The following FARS2 variants were observed in gnomAD, a reference collection of about 807,000 sequenced individuals.
FARS2 encodes phenylalanyl-tRNA synthetase 2, mitochondrial.
A neutral mutation model predicts 46.4 loss-of-function variants in FARS2; 40 were observed. That is an observed-to-expected ratio of 0.86 (90% CI 0.67 to 1.12). FARS2 has a LOEUF of 1.12. Ranked by LOEUF, FARS2 falls within the 50% of genes most tolerant of loss-of-function variation. The pLI, the probability that FARS2 is intolerant of heterozygous loss-of-function variation, is 0.00. For missense variants in FARS2, 513 were observed against 567.9 expected (o/e 0.90, Z 0.98); for synonymous variants, 234 against 214.9 (o/e 1.09, Z -0.78).
At chr6:5,655,132 G>A (rs574171152) in intron 6 of FARS2, among the ~76,000 whole-genome samples, 13 of 152,254 alleles carry the variant, frequency 8.5e-5, no homozygotes, top group African/African-American at 3.1e-4. Context: ...ACTGGGTGAG[G>A]GGTTGGTGGC....
At chr6:5,700,290 T>C (rs1758339725) in intron 6 of FARS2, among the ~76,000 whole-genome samples, 1 of 152,378 alleles carries the variant, frequency 6.6e-6, no homozygotes, top group Non-Finnish European at 1.5e-5. Flanking sequence ...GTTTTAGTCT[T>C]ATTGAACGTC....
chr6:5,766,843 T>C (rs1762776820), intron 6 of FARS2, among the ~76,000 whole-genome samples: 1 of 152,040 alleles, frequency 6.6e-6, no homozygotes, highest in Non-Finnish European at 1.5e-5. Flanking sequence ...TAACCATCAG[T>C]CTGCCTTCTA....
chr6:5,610,002 C>G, intron 5 of FARS2: 1 of 1,058,218 alleles, frequency 9.4e-7, no homozygotes, highest in Non-Finnish European at 1.5e-6. Flanking sequence ...CTTCCACCTC[C>G]TCCGCAGTGG....
chr6:5,369,440 C>T (rs1049357579), intron 2 of FARS2, among the ~76,000 whole-genome samples: 1 of 152,112 alleles, frequency 6.6e-6, no homozygotes, highest in Non-Finnish European at 1.5e-5. Flanking sequence ...TCAATACTGA[C>T]CCGCCATTCT....
intron 4 of FARS2, among the ~76,000 whole-genome samples, chr6:5,544,550 G>A (rs538854199): frequency 2.0e-5 from 3 of 152,184 alleles, no homozygotes; most frequent in African/African-American, 7.2e-5. Context: ...CTAATTTATG[G>A]CACTGACACA....
intron 6 of FARS2, among the ~76,000 whole-genome samples, chr6:5,730,724 GTCT>G (rs1760568766): frequency 6.6e-6 from 1 of 152,176 alleles, no homozygotes; most frequent in Non-Finnish European, 1.5e-5. Context: ...CATGAGCAAA[GTCT>G]TCACTTACTC....
intron 5 of FARS2, among the ~76,000 whole-genome samples, chr6:5,602,381 G>A (rs1295628654): frequency 6.6e-6 from 1 of 152,120 alleles, no homozygotes; most frequent in Non-Finnish European, 1.5e-5. Context: ...CGGGTGCAGT[G>A]GCTCCACCTG....
upstream of FARS2, chr6:5,260,598 T>TGCCCCGGCCCCGGGGCCCCCCC: frequency 7.2e-6 from 8 of 1,105,562 alleles, no homozygotes; most frequent in African/African-American, 3.3e-5. Flanking sequence ...GCACCCCCGG[T>TGCCCCGGCCCCGGGGCCCCCCC]CCCCGGCCCC....
chr6:5,262,139 A>G (rs1765195571), intron 1 of FARS2, among the ~76,000 whole-genome samples: 1 of 152,254 alleles, frequency 6.6e-6, no homozygotes, highest in South Asian at 2.1e-4. Context: ...CGTGAAAACA[A>G]AACAACTTTG....
At chr6:5,662,731 GGT>G (rs894568496) in intron 6 of FARS2, among the ~76,000 whole-genome samples, 3 of 152,146 alleles carry the variant, frequency 2.0e-5, no homozygotes, top group African/African-American at 7.2e-5. Context: ...AAGTAGAATT[GGT>G]GTGTGCGGTG....
chr6:5,397,313 G>A (rs1760967325), intron 2 of FARS2, among the ~76,000 whole-genome samples: 1 of 152,170 alleles, frequency 6.6e-6, no homozygotes, highest in African/African-American at 2.4e-5. Context: ...TGATGAATTG[G>A]CTGAGCGTAG....
At chr6:5,332,114 T>C (rs965837275) in intron 1 of FARS2, among the ~76,000 whole-genome samples, 2 of 152,026 alleles carry the variant, frequency 1.3e-5, no homozygotes, top group African/African-American at 4.8e-5. Context: ...AAGCCTCAGG[T>C]TAAATTTGGG....
rs573805315 is a variant in FARS2 at position 5,269,665 on chromosome 6, T to C, written c.-22+8005T>C. On this transcript the variant is annotated intron_variant, in intron 1 of 6. Coordinates refer to ENST00000274680, the MANE Select transcript of FARS2 (RefSeq NM_006567.5). ...AGAAAACATTTAGAATTTGCAGTGTTGAGTCTGTTTACAAAAAACAGCCTA... is the reference window on the plus strand; with the variant it reads ...AGAAAACATTTAGAATTTGCAGTGTCGAGTCTGTTTACAAAAAACAGCCTA... Among the ~76,000 whole-genome samples the C allele has an allele frequency of 1.6e-4, 24 of 152,304 alleles. No individual in the cohort carries two copies. The South Asian group carries it at 4.1e-3, about 26-fold the overall frequency.
chr6:5,769,851 C>T (rs968989905), intron 6 of FARS2, among the ~76,000 whole-genome samples: 1 of 152,160 alleles, frequency 6.6e-6, no homozygotes, highest in Admixed American at 6.5e-5. Context: ...ATGCACATAA[C>T]CCTGTGAGGC....
At chr6:5,465,044 G>A (rs560379330) in intron 4 of FARS2, among the ~76,000 whole-genome samples, 1 of 152,274 alleles carries the variant, frequency 6.6e-6, no homozygotes, top group South Asian at 2.1e-4. Flanking sequence ...GAGTATGTTA[G>A]AGTTTTGAAA....
chr6:5,364,362 G>T (rs1758511990), intron 1 of FARS2, among the ~76,000 whole-genome samples: 1 of 152,162 alleles, frequency 6.6e-6, no homozygotes. Context: ...ACCAACATTA[G>T]TATCTCTGCG....
chr6:5,260,613 C>A (rs751889080), upstream of FARS2: 10 of 1,306,330 alleles, frequency 7.7e-6, no homozygotes, highest in Admixed American at 1.6e-4. Flanking sequence ...GGCCCCTGGC[C>A]CCCCGCCCCC....
chr6:5,306,719 A>G (rs1204720142), intron 1 of FARS2, among the ~76,000 whole-genome samples: 1 of 152,186 alleles, frequency 6.6e-6, no homozygotes, highest in Admixed American at 6.5e-5. Flanking sequence ...CTTTTGGATT[A>G]GTGGACAGGA....
intron 6 of FARS2, among the ~76,000 whole-genome samples, chr6:5,693,732 C>T (rs958903764): frequency 6.6e-6 from 1 of 152,186 alleles, no homozygotes; most frequent in Non-Finnish European, 1.5e-5. Context: ...GATGAGGCAT[C>T]TTTACTTACA....
Sources: gnomAD v4.1 joint callset for allele counts (sites outside exome capture counted in the v4.1 genomes callset) on GRCh38, gnomAD v4.1.1 for gene constraint, MANE v1.5 for transcripts, NCBI Gene and HGNC (gene_info 2026-07-23, HGNC 2026-07-21) for gene names.